Variants in SLIT3 observed in about 807,000 individuals in gnomAD.
SLIT3 encodes the protein slit guidance ligand 3.
Under a neutral mutation model 184.0 loss-of-function variants are expected in SLIT3, and 68 were observed. That is an observed-to-expected ratio of 0.37 (90% CI 0.30 to 0.45). SLIT3 has a LOEUF of 0.45. Ranked by LOEUF, SLIT3 falls within the 20% of genes least tolerant of loss-of-function variation. The pLI, the probability that SLIT3 is intolerant of heterozygous loss-of-function variation, is 1.00. For missense variants in SLIT3, 1,707 were observed against 2,026.0 expected, an observed-to-expected ratio of 0.84 and a Z score of 3.02; for synonymous variants, 831 against 828.6, an observed-to-expected ratio of 1.00 and a Z score of -0.05.
intron 4 of SLIT3, among the ~76,000 whole-genome samples, chr5:168,962,618 T>A (rs779281350): frequency 1.3e-4 from 19 of 150,556 alleles, no homozygotes; most frequent in Non-Finnish European, 2.7e-4. Flanking sequence ...AAAGGAAAGG[T>A]CATTATCCAT....
At chr5:168,686,647 C>A (rs1582528822) in intron 30 of SLIT3, among the ~76,000 whole-genome samples, 1 of 152,232 alleles carries the variant, frequency 6.6e-6, no homozygotes, top group Non-Finnish European at 1.5e-5. Context: ...CTCCACCTTG[C>A]AAGCTGGGCT....
At chr5:169,102,669 G>A (rs544852358) in intron 4 of SLIT3, among the ~76,000 whole-genome samples, 14 of 152,296 alleles carry the variant, frequency 9.2e-5, no homozygotes, top group African/African-American at 3.4e-4. Flanking sequence ...GTGTGTTTGT[G>A]TGTGTAGCTA....
At chr5:169,133,348 G>C (rs1761374133) in intron 4 of SLIT3, among the ~76,000 whole-genome samples, 1 of 152,188 alleles carries the variant, frequency 6.6e-6, no homozygotes. Flanking sequence ...TGAGTGGTGA[G>C]AGCCCACCTT....
At chr5:169,039,227 G>T in intron 4 of SLIT3, among the ~76,000 whole-genome samples, 1 of 151,922 alleles carries the variant, frequency 6.6e-6, no homozygotes, top group East Asian at 1.9e-4. Flanking sequence ...CCCTGAGGGG[G>T]TACAGGCTTT....
chr5:169,248,112 C>T (rs972318402), intron 2 of SLIT3, among the ~76,000 whole-genome samples: 13 of 152,118 alleles, frequency 8.5e-5, no homozygotes, highest in Non-Finnish European at 4.4e-5. Flanking sequence ...CAAGCAGTCC[C>T]TACTTTTGCC....
chr5:168,826,313 A>G (rs564552862), intron 6 of SLIT3, among the ~76,000 whole-genome samples: 2 of 152,334 alleles, frequency 1.3e-5, no homozygotes, highest in South Asian at 4.2e-4. Context: ...CGGGGATGTC[A>G]GAGGGTTGGT....
intron 5 of SLIT3, among the ~76,000 whole-genome samples, chr5:168,855,105 A>T (rs1758816157): frequency 6.6e-6 from 1 of 152,214 alleles, no homozygotes; most frequent in South Asian, 2.1e-4. Context: ...ACACTACTGT[A>T]CCTGGCCCAC....
intron 1 of SLIT3, among the ~76,000 whole-genome samples, chr5:169,258,706 A>G (rs1031667543): frequency 5.9e-5 from 9 of 152,210 alleles, no homozygotes; most frequent in Admixed American, 2.6e-4. Context: ...TCAGAACAAC[A>G]CTGGAAAAAA....
intron 3 of SLIT3, among the ~76,000 whole-genome samples, chr5:169,222,084 G>A (rs1171541161): frequency 6.6e-6 from 1 of 152,056 alleles, no homozygotes; most frequent in East Asian, 1.9e-4. Flanking sequence ...AACTGACTTG[G>A]GTCCTTGGGG....
rs77691237 is a variant in SLIT3 at position 169,140,919 on chromosome 5, C to A, written c.413+52560G>T. Among the ~76,000 whole-genome samples the A allele has an allele frequency of 2.0e-3, 309 of 152,316 alleles. 3 individuals are homozygous for A. In the South Asian group the frequency reaches 0.023, roughly 11 times the overall value. On this transcript the variant is annotated intron_variant, in intron 4 of 35. Coordinates refer to ENST00000519560, the MANE Select transcript of SLIT3 (RefSeq NM_003062.4). ...TAAAACTCTTTAAATCTGGCCATCA[C>A]CCTACAGTAGAACCCTACCCTTGAA...
intron 10 of SLIT3, chr5:168,789,885 A>T: frequency 2.2e-6 from 1 of 444,864 alleles, no homozygotes; most frequent in South Asian, 4.3e-5. Flanking sequence ...CTTCATCGGG[A>T]CACGAGGCTG....
At chr5:169,000,315 C>T (rs1446468001) in intron 4 of SLIT3, among the ~76,000 whole-genome samples, 8 of 143,602 alleles carry the variant, frequency 5.6e-5, no homozygotes, top group Non-Finnish European at 1.0e-4. Context: ...TCGCTTGAAC[C>T]TGGGAGGCAG....
intron 14 of SLIT3, among the ~76,000 whole-genome samples, chr5:168,769,700 C>A (rs906207597): frequency 6.6e-6 from 1 of 152,172 alleles, no homozygotes; most frequent in Non-Finnish European, 1.5e-5. Context: ...CCATCCTGTT[C>A]GTGCAAACCG....
chr5:169,083,036 C>T (rs979537367), intron 4 of SLIT3, among the ~76,000 whole-genome samples: 1 of 152,186 alleles, frequency 6.6e-6, no homozygotes, highest in Middle Eastern at 3.2e-3. Flanking sequence ...CCATATGTAA[C>T]ATATGTTATT....
At chr5:168,969,851 G>T (rs1031692486) in intron 4 of SLIT3, among the ~76,000 whole-genome samples, 1 of 152,212 alleles carries the variant, frequency 6.6e-6, no homozygotes, top group Admixed American at 6.5e-5. Flanking sequence ...TTCATTAACA[G>T]CAAGCTTAGC....
At chr5:168,927,727 C>T (rs1338784193) in intron 4 of SLIT3, among the ~76,000 whole-genome samples, 2 of 152,220 alleles carry the variant, frequency 1.3e-5, no homozygotes, top group Admixed American at 1.3e-4. Context: ...CCGCCCTTAC[C>T]ATGTAGCTTG....
At chr5:168,952,107 C>A (rs1452491879) in intron 4 of SLIT3, among the ~76,000 whole-genome samples, 1 of 152,170 alleles carries the variant, frequency 6.6e-6, no homozygotes, top group African/African-American at 2.4e-5. Context: ...AATATTCCCC[C>A]AAAGATCGCA....
intron 4 of SLIT3, among the ~76,000 whole-genome samples, chr5:169,039,652 A>G (rs997727618): frequency 3.3e-5 from 5 of 152,126 alleles, no homozygotes; most frequent in Non-Finnish European, 5.9e-5. Flanking sequence ...TAGAAAAACA[A>G]TATACCCTTT....
At chr5:168,886,949 C>T (rs1476934610) in intron 4 of SLIT3, among the ~76,000 whole-genome samples, 1 of 152,132 alleles carries the variant, frequency 6.6e-6, no homozygotes, top group African/African-American at 2.4e-5. Context: ...CCAATATATC[C>T]CCCTTCCAGC....
Sources: allele counts gnomAD v4.1 joint callset (sites outside exome capture counted in the v4.1 genomes callset), GRCh38; gene constraint gnomAD v4.1.1; transcripts MANE v1.5; gene names NCBI Gene and HGNC (gene_info 2026-07-23, HGNC 2026-07-21).